Variants in HS6ST2 observed in about 807,000 individuals in gnomAD.
HS6ST2 encodes heparan-sulfate 6-O-sulfotransferase 2.
A neutral mutation model predicts 33.0 loss-of-function variants in HS6ST2; 17 were observed. The observed-to-expected ratio is 0.52, with a 90% CI of 0.35 to 0.77. The LOEUF is 0.77. Among genes scored for constraint, HS6ST2 ranks in the 30% least tolerant of loss-of-function variants. The pLI is 0.01. For missense variants in HS6ST2, 519 were observed against 551.7 expected (o/e 0.94, Z 0.59); for synonymous variants, 248 against 237.1 (o/e 1.05, Z -0.42).
chrX:132,903,054 ATAAAG>A (rs2066439443), intron 2 of HS6ST2, among the ~76,000 whole-genome samples: 1 of 111,902 alleles, frequency 8.9e-6, no homozygotes. Flanking sequence ...ATCCTAAGGA[ATAAAG>A]TAAACATTTA....
chrX:132,883,940 C>T (rs1484699161), intron 2 of HS6ST2, among the ~76,000 whole-genome samples: 3 of 112,023 alleles, frequency 2.7e-5, no homozygotes, highest in Non-Finnish European at 5.6e-5. Context: ...TTTTCCTATC[C>T]TCTTTCTCTT....
chrX:132,736,629 A>G (rs745374654), intron 2 of HS6ST2, among the ~76,000 whole-genome samples: 1 of 111,879 alleles, frequency 8.9e-6, no homozygotes, highest in South Asian at 3.8e-4. Flanking sequence ...ATCACCTCCC[A>G]TCTTACAAAA....
In HS6ST2 at chrX:132,628,370, C is replaced by G; in HGVS notation, c.1791G>C (p.Leu597=). The G allele has an allele frequency of 8.5e-7, 1 of 1,178,112 alleles. No homozygotes were observed. The highest frequency in any genetic ancestry group is 1.1e-6 in the Non-Finnish European group (1 of 875,696). ...QNPNPNANQN[L]TQNLMQNLTQ... ...TCAGATTCTGCATCAGATTCTGAGT[C>G]AGGTTCTGATTGGCATTCGGATTTG... The change falls in exon 5 of 5, where the codon CTG becomes CTC. Residue 597 remains leucine (L), a synonymous_variant. Coordinates refer to ENST00000370833, the MANE Select transcript of HS6ST2 (RefSeq NM_001394073.1).
intron 4 of HS6ST2, among the ~76,000 whole-genome samples, chrX:132,668,813 C>G (rs1019240216): frequency 2.7e-5 from 3 of 111,278 alleles, no homozygotes; most frequent in African/African-American, 9.8e-5. Flanking sequence ...TGTAATCCAA[C>G]TCTTACATTG....
chrX:132,767,509 T>C (rs768146866), intron 2 of HS6ST2, among the ~76,000 whole-genome samples: 2 of 112,275 alleles, frequency 1.8e-5, no homozygotes, highest in Non-Finnish European at 3.8e-5. Flanking sequence ...GATCATCAGA[T>C]ACTAAGGATT....
At chrX:132,704,115 A>G (rs1367861926) in intron 3 of HS6ST2, among the ~76,000 whole-genome samples, 1 of 112,324 alleles carries the variant, frequency 8.9e-6, no homozygotes, top group East Asian at 2.8e-4. Flanking sequence ...CTGACCCAGC[A>G]TATGTGTATG....
intron 2 of HS6ST2, among the ~76,000 whole-genome samples, chrX:132,834,475 C>T (rs759160244): frequency 1.2e-4 from 13 of 111,799 alleles, no homozygotes; most frequent in Non-Finnish European, 2.1e-4. Flanking sequence ...CAGTCAAGGT[C>T]CTGTGGCAAC....
intron 2 of HS6ST2, among the ~76,000 whole-genome samples, chrX:132,881,112 C>T (rs945645397): frequency 4.5e-5 from 5 of 111,305 alleles, no homozygotes; most frequent in African/African-American, 1.6e-4. Flanking sequence ...TTTATAGCAG[C>T]ACGATTTATA....
At chrX:132,783,869 C>T (rs781347455) in intron 2 of HS6ST2, among the ~76,000 whole-genome samples, 2 of 111,566 alleles carry the variant, frequency 1.8e-5, no homozygotes, top group South Asian at 7.6e-4. Context: ...GACTTTTGCA[C>T]ACTGGGAGAG....
intron 2 of HS6ST2, among the ~76,000 whole-genome samples, chrX:132,953,407 C>G (rs985685312): frequency 9.0e-6 from 1 of 111,462 alleles, no homozygotes; most frequent in African/African-American, 3.3e-5. Context: ...AACGTGATCA[C>G]GGTTGTTTCT....
At chrX:132,829,139 T>C (rs2065560135) in intron 2 of HS6ST2, among the ~76,000 whole-genome samples, 1 of 96,934 alleles carries the variant, frequency 1.0e-5, no homozygotes, top group East Asian at 3.1e-4. Context: ...CTGGAAAGTA[T>C]CTAAGTTAAT....
At chrX:132,888,986 A>G (rs1410273300) in intron 2 of HS6ST2, among the ~76,000 whole-genome samples, 1 of 110,738 alleles carries the variant, frequency 9.0e-6, no homozygotes, top group African/African-American at 3.3e-5. Context: ...AGCAATCCCA[A>G]TTTACAGGTG....
chrX:132,811,315 A>G (rs2065340933), intron 2 of HS6ST2, among the ~76,000 whole-genome samples: 1 of 110,828 alleles, frequency 9.0e-6, no homozygotes, highest in African/African-American at 3.3e-5. Flanking sequence ...AGTCAAGCTA[A>G]AATGGTGGCT....
chrX:132,942,791 G>A (rs1326461279), intron 2 of HS6ST2, among the ~76,000 whole-genome samples: 1 of 111,869 alleles, frequency 8.9e-6, no homozygotes, highest in Non-Finnish European at 1.9e-5. Context: ...GTCACAATTG[G>A]TCAAAGCAAT....
intron 2 of HS6ST2, among the ~76,000 whole-genome samples, chrX:132,945,305 A>G (rs761477876): frequency 0.014 from 1,603 of 112,025 alleles, 38 homozygotes; most frequent in African/African-American, 0.05. Context: ...CCACAATGAG[A>G]TACCATCTCA....
chrX:132,923,368 T>C (rs1164843583), intron 2 of HS6ST2, among the ~76,000 whole-genome samples: 2 of 111,335 alleles, frequency 1.8e-5, no homozygotes, highest in South Asian at 3.9e-4. Context: ...AGTGCCTTGG[T>C]CGAGGAGGAA....
intron 2 of HS6ST2, among the ~76,000 whole-genome samples, chrX:132,709,812 AACAC>A (rs60459374): frequency 7.6e-5 from 7 of 92,194 alleles, no homozygotes; most frequent in African/African-American, 1.2e-4. Context: ...GAAAAGACAA[AACAC>A]ACACACACAC....
intron 2 of HS6ST2, among the ~76,000 whole-genome samples, chrX:132,908,653 G>A (rs5933234): frequency 0.038 from 4,224 of 111,647 alleles, 107 homozygotes; most frequent in Non-Finnish European, 0.056. Flanking sequence ...GTCCATTTAT[G>A]TGAAATTATC....
At chrX:132,815,819 G>T (rs941069900) in intron 2 of HS6ST2, among the ~76,000 whole-genome samples, 3 of 111,139 alleles carry the variant, frequency 2.7e-5, no homozygotes, top group South Asian at 3.8e-4. Flanking sequence ...TCCCCACAGT[G>T]GTTGCCTAGG....
Sources: allele counts gnomAD v4.1 joint callset (sites outside exome capture counted in the v4.1 genomes callset), GRCh38; gene constraint gnomAD v4.1.1; transcripts MANE v1.5; gene names NCBI Gene and HGNC (gene_info 2026-07-23, HGNC 2026-07-21).